Variants in EZH1 observed in about 807,000 individuals in gnomAD.
EZH1 encodes the protein enhancer of zeste 1 polycomb repressive complex 2 subunit.
A neutral mutation model predicts 100.5 loss-of-function variants in EZH1; 33 were observed. The ratio of observed to expected loss-of-function variants is 0.33; its 90% CI spans 0.25 to 0.44. The LOEUF is 0.44. Ranked by LOEUF, EZH1 falls within the 20% of genes least tolerant of loss-of-function variation. The probability of loss-of-function intolerance (pLI) is 1.00; values close to 1 mark genes in which losing one functional copy is unlikely to be tolerated. For missense variants in EZH1, 475 were observed against 928.4 expected (o/e 0.51, Z 6.35); for synonymous variants, 272 against 313.8 (o/e 0.87, Z 1.41).
intron 16 of EZH1, 78 bp downstream of exon 16, chr17:42,705,928 GT>G (rs1245461451): frequency 7.3e-6 from 10 of 1,374,200 alleles, no homozygotes; most frequent in Non-Finnish European, 9.7e-6. Context: ...AAAAGAACCA[GT>G]GGAAAGAGAA....
rs142825581 is a variant in EZH1 at position 42,718,921 on chromosome 17, G to A, written c.767+184C>T. Reference sequence around the variant, plus strand: ...CAGACTCACTCAAAAGCCAGTATACGATGACCCTTAATATAGTAAGGGGGG... The same window carrying A: ...CAGACTCACTCAAAAGCCAGTATACAATGACCCTTAATATAGTAAGGGGGG... On this transcript the variant is annotated intron_variant, in intron 8 of 20. Coordinates refer to ENST00000428826, the MANE Select transcript of EZH1 (RefSeq NM_001991.5). The surrounding 1 kb of genome is among the most constrained non-coding windows in gnomAD (Gnocchi z 4.2). Among the ~76,000 whole-genome samples, 2 of 152,270 alleles carry A rather than the reference G, an allele frequency of 1.3e-5. No homozygotes were observed. The highest frequency in any genetic ancestry group is 2.1e-4 in the South Asian group (1 of 4,830).
At chr17:42,710,612 T>C (rs1364497758) in intron 12 of EZH1, among the ~76,000 whole-genome samples, 1 of 150,496 alleles carries the variant, frequency 6.6e-6, no homozygotes, top group East Asian at 1.9e-4. Flanking sequence ...CTTCAGCTCA[T>C]GGTTCTGTTT....
intron 19 of EZH1, 161 bp downstream of exon 19, chr17:42,703,579 G>C (rs2143704182): frequency 1.6e-6 from 1 of 620,250 alleles, no homozygotes; most frequent in Non-Finnish European, 2.9e-6. Flanking sequence ...AAGCAGATTA[G>C]AAAACTAAGA....
intron 1 of EZH1, among the ~76,000 whole-genome samples, chr17:42,739,753 T>C (rs2054140744): frequency 6.6e-6 from 1 of 151,610 alleles, no homozygotes; most frequent in African/African-American, 2.4e-5. Context: ...TCGTATGCAC[T>C]GGAGGTAATG....
At chr17:42,727,257 C>CT (rs563463128) in intron 4 of EZH1, among the ~76,000 whole-genome samples, 34 of 152,026 alleles carry the variant, frequency 2.2e-4, no homozygotes, top group Non-Finnish European at 4.6e-4. Context: ...CCTTTCTTTC[C>CT]TTTTTCTTTT....
chr17:42,734,703 G>A (rs559827675), intron 1 of EZH1, among the ~76,000 whole-genome samples: 1 of 148,746 alleles, frequency 6.7e-6, no homozygotes, highest in African/African-American at 2.5e-5. Context: ...AAAGAAAGAA[G>A]GAAGGAAGGG....
Position 42,720,392 on chromosome 17 carries a change from G to A in EZH1, c.545C>T (p.Ala182Val). The A allele has an allele frequency of 6.2e-7, 1 of 1,613,948 alleles. No individual in the cohort carries two copies. The highest frequency in any genetic ancestry group is 8.5e-7 in the Non-Finnish European group (1 of 1,179,994). ...SDAVFLELVD[A>V]LNQYSDEEEE... ...CTCCTCATCTGAGTACTGATTCAGG[G>A]CATCGACCAACTCCAGAAAAACAGC... is the stretch of plus-strand genomic sequence containing the variant. The change falls in exon 7 of 21, where the codon GCC becomes GTC. Residue 182 changes from alanine to valine, a missense_variant. This residue lies in a region of EZH1 where 180 missense variants were observed against 295.3 expected (regional missense o/e 0.61). Transcript: ENST00000428826.
chr17:42,727,686 G>A lies in EZH1; in HGVS notation c.195C>T (p.Val65=), dbSNP rs2053848520. The change falls in exon 4 of 21, where the codon GTC becomes GTT. Residue 65 remains valine, a synonymous_variant. Coordinates refer to ENST00000428826, the MANE Select transcript of EZH1 (RefSeq NM_001991.5). ...CAGGCTTCATTGACTGAACAGGTTG[G>A]ACACGAAGCTTCTTCCATTCTTCAT... is the stretch of plus-strand genomic sequence containing the variant. ...ILNEEWKKLR[V]QPVQSMKPVS... The A allele has an allele frequency of 2.5e-6, 4 of 1,608,792 alleles. No individual in the cohort carries two copies. Among genetic ancestry groups the A allele is most frequent in the Middle Eastern group, 1.6e-4 (1 of 6,070 alleles).
intron 10 of EZH1, among the ~76,000 whole-genome samples, chr17:42,713,834 A>T (rs1474468037): frequency 2.0e-5 from 3 of 152,252 alleles, no homozygotes; most frequent in Non-Finnish European, 4.4e-5. Flanking sequence ...TGTATCTAAA[A>T]TTAACTTGCG....
chr17:42,724,495 C>A, intron 4 of EZH1, 71 bp from the exon 5 acceptor site: 1 of 1,572,422 alleles, frequency 6.4e-7, no homozygotes, highest in Non-Finnish European at 8.7e-7. Flanking sequence ...TAATTTCCTT[C>A]CAAAATTGGC....
chr17:42,721,015 T>C (rs2143798706), intron 6 of EZH1, among the ~76,000 whole-genome samples: 1 of 152,272 alleles, frequency 6.6e-6, no homozygotes, highest in East Asian at 1.9e-4. Flanking sequence ...AATTTCTGGT[T>C]CAAAATCTCA....
In EZH1 at chr17:42,708,001, C is replaced by A. The variant is rs746989137; in HGVS notation, c.1617G>T (p.Met539Ile). Residue 539 changes from methionine (M) to isoleucine (I), a missense_variant, in exon 15 of 21, where the codon ATG becomes ATT. Around this residue, in one of 8 missense-constraint regions of EZH1, gnomAD observed 17 missense variants for 75.8 expected, o/e 0.22. Transcript: ENST00000428826. ...RPCDSTCPCI[M>I]TQNFCEKFCQ... is the part of the protein sequence containing the mutation. ...AGAACTTCTCACAGAAATTCTGAGT[C>A]ATGATGCAGGGGCAGGTGCTGTCAC... 3 of 1,612,466 alleles carry A rather than the reference C, an allele frequency of 1.9e-6. No homozygotes were observed. In the African/African-American group the frequency reaches 4.0e-5, roughly 22 times the overall value.
intron 4 of EZH1, among the ~76,000 whole-genome samples, chr17:42,726,656 A>C (rs576642679): frequency 8.9e-4 from 134 of 150,042 alleles, no homozygotes; most frequent in African/African-American, 3.2e-3. Flanking sequence ...GGATTACAGA[A>C]GTGTGCCACC....
chr17:42,741,052 C>T (rs575970122), intron 1 of EZH1, among the ~76,000 whole-genome samples: 3 of 152,310 alleles, frequency 2.0e-5, no homozygotes, highest in Admixed American at 1.3e-4. Flanking sequence ...AACCTTTAAC[C>T]CTTCCCCTCA....
intron 10 of EZH1, 49 bp from the exon 11 acceptor site, chr17:42,713,438 T>C (rs1190027386): frequency 2.0e-6 from 3 of 1,505,836 alleles, no homozygotes; most frequent in Admixed American, 2.1e-5. Flanking sequence ...CCCATCACCA[T>C]ATTGATCTCA....
In EZH1 at chr17:42,704,681, G is replaced by A. The variant is rs139918941; in HGVS notation, c.1938C>T (p.Leu646=). 7.6e-5 allele frequency: 122 copies of A among 1,613,002 alleles called. 2 individuals carry two copies. In the East Asian group the frequency reaches 2.7e-3, roughly 35 times the overall value. The change falls in exon 18 of 21, where the codon CTC becomes CTT. Residue 646 remains leucine, a splice_region_variant and synonymous_variant. Transcript: ENST00000428826. The part of the protein sequence containing the change: ...NEFISEYCGE[L]ISQDEADRRG... ...GTCGATCAGCCTCATCCTGAGAGAT[G>A]AGCTAGAGAGATAGACAAATAACAA...
chr17:42,733,870 G>C (rs1276330045), intron 1 of EZH1, among the ~76,000 whole-genome samples: 3 of 149,540 alleles, frequency 2.0e-5, no homozygotes, highest in Non-Finnish European at 4.4e-5. Flanking sequence ...GAACACAGGA[G>C]GTGGAGGTTG....
intron 12 of EZH1, 109 bp from the exon 13 acceptor site, chr17:42,710,046 C>A (rs944583669): frequency 4.0e-5 from 34 of 841,406 alleles, no homozygotes; most frequent in East Asian, 2.8e-4. Flanking sequence ...GGCAGCTGAC[C>A]AAGCCTCTCA....
intron 4 of EZH1, 125 bp downstream of exon 4, chr17:42,727,510 T>C: frequency 8.5e-7 from 1 of 1,175,494 alleles, no homozygotes; most frequent in Non-Finnish European, 1.2e-6. Context: ...CCCAAATAGC[T>C]GGGAATACTT....
Sources: allele counts gnomAD v4.1 joint callset (sites outside exome capture counted in the v4.1 genomes callset), GRCh38; gene constraint gnomAD v4.1.1; regional missense constraint gnomAD v4.1.1; non-coding constraint Gnocchi (gnomAD v3.1); transcripts MANE v1.5; gene names NCBI Gene and HGNC (gene_info 2026-07-23, HGNC 2026-07-21).